ZNF454: variants seen among roughly 807,000 people sequenced by gnomAD.
ZNF454 encodes zinc finger protein 454.
In ZNF454, 30 loss-of-function variants were observed where a neutral mutation model predicts 48.2. That is an observed-to-expected ratio of 0.62 (90% CI 0.47 to 0.84). The LOEUF is 0.84. ZNF454 is among the 40% of genes least tolerant of loss of function. ZNF454 has a pLI of 0.00. For missense variants in ZNF454, 510 were observed against 623.1 expected, an observed-to-expected ratio of 0.82 and a Z score of 1.93; for synonymous variants, 204 against 211.4, an observed-to-expected ratio of 0.97 and a Z score of 0.30.
chr5:178,985,739 GAA>G, the ZNF454 span: 50 of 421,454 alleles, frequency 1.2e-4, no homozygotes, highest in East Asian at 2.1e-3. Context: ...AACCAAAATA[GAA>G]AAGAGTGACT....
Position 178,966,009 on chromosome 5 carries a change from G to T in ZNF454, c.*36G>T. 6.9e-7 allele frequency: 1 copy of T among 1,438,912 alleles called. No individual in the cohort carries two copies. The highest frequency in any genetic ancestry group is 1.4e-5 in the South Asian group (1 of 72,792). 89.1% of individuals were successfully genotyped at this position (1,438,912 alleles called of 1,614,324 possible). ...GTTTGTATGGAAGACCTTTGAGACTGAGTAGATGAATTATTGAATGTGAGA... is the reference window on the plus strand; with the variant it reads ...GTTTGTATGGAAGACCTTTGAGACTTAGTAGATGAATTATTGAATGTGAGA... On this transcript the variant is annotated 3_prime_UTR_variant, in exon 5 of 5. Transcript: ENST00000519564.
At chr5:178,970,152 G>A (rs1385341709), downstream of ZNF454, among the ~76,000 whole-genome samples, 18 of 152,158 alleles carry the variant, frequency 1.2e-4, no homozygotes. Context: ...TGCTTTTGAT[G>A]GAGAAAACAA....
the ZNF454 span, among the ~76,000 whole-genome samples, chr5:178,987,636 C>T: frequency 1.3e-5 from 2 of 152,054 alleles, no homozygotes; most frequent in East Asian, 1.9e-4. Context: ...CGTGGAATGG[C>T]GGTTGCAGGT....
At chr5:178,975,213 GGAGGCTGCAGTGA>G in the ZNF454 span, among the ~76,000 whole-genome samples, 8 of 152,126 alleles carry the variant, frequency 5.3e-5, no homozygotes, top group Admixed American at 4.6e-4. Flanking sequence ...CCCGGGAGGT[GGAGGCTGCAGTGA>G]GCTCAGATCA....
chr5:178,945,112 C>T (rs889381758), intron 2 of ZNF454, among the ~76,000 whole-genome samples: 4 of 132,492 alleles, frequency 3.0e-5, no homozygotes, highest in Non-Finnish European at 4.8e-5. Context: ...GGTGTGTGTG[C>T]GCGCTTGCAT....
At chr5:178,988,825 A>G in the ZNF454 span, 2 of 860,590 alleles carry the variant, frequency 2.3e-6, no homozygotes, top group Admixed American at 2.1e-5. This position sits in a 1 kb window ranked among gnomAD's most constrained non-coding sequence, Gnocchi z 6.0. Context: ...CCCCCATTAG[A>G]CCACTCAGCC....
chr5:178,965,451 T>A lies in ZNF454; in HGVS notation c.1047T>A (p.Ile349=), dbSNP rs775601483. Residue 349 remains isoleucine (I), a synonymous_variant, in exon 5 of 5, where the codon ATT becomes ATA. Coordinates refer to ENST00000519564, the MANE Select transcript of ZNF454 (RefSeq NM_001178089.3). The surrounding 1 kb of genome is among the most constrained non-coding windows in gnomAD (Gnocchi z 5.2). ...CAAGTTTCCTTCAGCATCAGAGAATTCACACTGGAGAGAAACCCTTTGAAT... is the reference window on the plus strand; with the variant it reads ...CAAGTTTCCTTCAGCATCAGAGAATACACACTGGAGAGAAACCCTTTGAAT... ...QSTSFLQHQR[I]HTGEKPFECN... 1.9e-6 allele frequency: 3 copies of A among 1,614,114 alleles called. No individual in the cohort carries two copies. The highest frequency in any genetic ancestry group is 2.5e-6 in the Non-Finnish European group (3 of 1,179,990).
the ZNF454 span, chr5:178,982,001 A>C: frequency 1.5e-5 from 11 of 739,268 alleles, no homozygotes; most frequent in African/African-American, 1.9e-4. Context: ...CAGTATGAGC[A>C]GGGGCCCCGC....
chr5:178,942,175 G>C (rs1759120599), intron 1 of ZNF454, among the ~76,000 whole-genome samples: 1 of 152,202 alleles, frequency 6.6e-6, no homozygotes, highest in Non-Finnish European at 1.5e-5. Context: ...AGGCCGAGGC[G>C]AGCCGATCAC....
rs1338205043 is a variant in ZNF454, at chr5:178,946,040, G to A, written c.34-319G>A. 3.9e-5 allele frequency among the ~76,000 whole-genome samples: 6 copies of A among 152,094 alleles called. No homozygotes were observed. The highest frequency in any genetic ancestry group is 3.9e-4 in the Admixed American group (6 of 15,272). On this transcript the variant is annotated intron_variant, in intron 2 of 4. Transcript: ENST00000519564. The surrounding 1 kb of genome is among the most constrained non-coding windows in gnomAD (Gnocchi z 4.5). ...CGTAGGATTTGGTCCCCTGGGGTGA[G>A]CGGAGAGGCAGGGCTAGGCGGTTTG... is the stretch of plus-strand genomic sequence containing the variant.
chr5:178,985,120 C>T, the ZNF454 span: 1 of 325,028 alleles, frequency 3.1e-6, no homozygotes, highest in South Asian at 2.4e-5. Context: ...ATGTTGGACC[C>T]TGTGCCTCTC....
rs778207473 is a variant in ZNF454, at chr5:178,965,908, G to A, written c.1504G>A (p.Gly502Arg). The part of the protein sequence containing the change: ...GEKPYKCNKC[G>R]KAFNQTANLI... ...GAAACCCTATAAATGTAATAAATGT[G>A]GGAAAGCTTTTAACCAGACTGCAAA... Residue 502 changes from glycine (G) to arginine (R), a missense_variant, in exon 5 of 5, where the codon GGG becomes AGG. By Grantham distance (125) the Gly-to-Arg change is moderately radical (BLOSUM62 -2). Around this residue, in one of 3 missense-constraint regions of ZNF454, gnomAD observed 153 missense variants for 195.8 expected, o/e 0.78. Transcript: ENST00000519564. This position sits in a 1 kb window ranked among gnomAD's most constrained non-coding sequence, Gnocchi z 5.2. 39 of 1,609,488 alleles carry A rather than the reference G, an allele frequency of 2.4e-5. No individual in the cohort carries two copies. The highest frequency in any genetic ancestry group is 3.0e-5 in the Non-Finnish European group (35 of 1,178,454).
chr5:178,989,211 A>AGCCCCCCC, the ZNF454 span: 4 of 121,696 alleles, frequency 3.3e-5, no homozygotes, highest in Non-Finnish European at 5.3e-5. Flanking sequence ...CCCCCTCCCC[A>AGCCCCCCC]CCCTCACCAC....
the ZNF454 span, chr5:178,982,910 C>T: frequency 6.2e-7 from 1 of 1,612,564 alleles, no homozygotes; most frequent in East Asian, 2.2e-5. Context: ...ACCTCATTAC[C>T]TTTTCAGCTG....
the ZNF454 span, among the ~76,000 whole-genome samples, chr5:178,976,690 T>C: frequency 2.6e-5 from 4 of 152,162 alleles, no homozygotes; most frequent in Non-Finnish European, 2.9e-5. Flanking sequence ...GTCACTCATC[T>C]AGCAGAGCTG....
chr5:178,981,733 T>C, the ZNF454 span: 4 of 1,614,060 alleles, frequency 2.5e-6, no homozygotes, highest in East Asian at 8.9e-5. The surrounding 1 kb of genome is among the most constrained non-coding windows in gnomAD (Gnocchi z 5.1). Context: ...CCGCTTTCGC[T>C]TCTGCACATT....
rs1760149144 is a variant in ZNF454, at chr5:178,966,186, G to C, written c.*213G>C. 2 of 442,882 alleles carry C rather than the reference G, an allele frequency of 4.5e-6. No homozygotes were observed. Among genetic ancestry groups the C allele is most frequent in the African/African-American group, 4.0e-5 (2 of 50,570 alleles). The allele number at this position is 442,882 out of a possible 1,614,324, so 27.4% of individuals were successfully genotyped here. ...TGGCTCACGTCTGTAATCTTTGGGA[G>C]CACTTTGGGAGGCCGAGGTGGGCGG... On this transcript the variant is annotated 3_prime_UTR_variant, in exon 5 of 5. Coordinates refer to ENST00000519564, the MANE Select transcript of ZNF454 (RefSeq NM_001178089.3).
At chr5:178,975,862 G>T in the ZNF454 span, among the ~76,000 whole-genome samples, 6 of 152,320 alleles carry the variant, frequency 3.9e-5, no homozygotes, top group African/African-American at 1.4e-4. Flanking sequence ...AATCATCTGG[G>T]TGGGCCTCTT....
chr5:178,986,781 C>T, the ZNF454 span: 487 of 1,610,622 alleles, frequency 3.0e-4, 2 homozygotes, highest in Non-Finnish European at 7.4e-5. Flanking sequence ...CAGGCTGGGG[C>T]GTCTGCCTCC....
Sources: gnomAD v4.1 joint callset for allele counts (sites outside exome capture counted in the v4.1 genomes callset) on GRCh38, gnomAD v4.1.1 for gene constraint, gnomAD v4.1.1 regional missense constraint, Gnocchi (gnomAD v3.1) non-coding constraint, MANE v1.5 for transcripts, NCBI Gene and HGNC (gene_info 2026-07-23, HGNC 2026-07-21) for gene names.